The following MRE11 variants were observed in gnomAD, a reference collection of about 807,000 sequenced individuals.
MRE11 encodes double-strand break repair protein MRE11.
Under a neutral mutation model 91.7 loss-of-function variants are expected in MRE11, and 62 were observed. The observed-to-expected ratio is 0.68, with a 90% confidence interval of 0.55 to 0.84. MRE11 has a LOEUF of 0.84. Among genes scored for constraint, MRE11 ranks in the 40% least tolerant of loss-of-function variants. The probability of loss-of-function intolerance (pLI) is 0.00; values close to 1 mark genes in which losing one functional copy is unlikely to be tolerated. For missense variants in MRE11, 796 were observed against 852.9 expected, an observed-to-expected ratio of 0.93 and a Z score of 0.83; for synonymous variants, 273 against 271.4, an observed-to-expected ratio of 1.01 and a Z score of -0.06.
In MRE11 at chr11:94,466,097, A is replaced by G. The variant is rs377277577; in HGVS notation, c.1098+1716T>C. ...GGTATAGAGAAAGGAGGAGAGAAGT[A>G]TGTCCCACGCAACAGGATCAACATG... On this transcript the variant is annotated intron_variant, in intron 10 of 19. Coordinates refer to ENST00000323929, the MANE Select transcript of MRE11 (RefSeq NM_005591.4). 1.4e-3 allele frequency among the ~76,000 whole-genome samples: 219 copies of G among 152,294 alleles called. 3 individuals are homozygous for G. Among genetic ancestry groups the G allele is most frequent in the African/African-American group, 4.8e-3 (201 of 41,564 alleles).
chr11:94,421,007 C>T (rs13447736), intron 19 of MRE11, among the ~76,000 whole-genome samples: 4 of 149,668 alleles, frequency 2.7e-5, no homozygotes, highest in Non-Finnish European at 4.4e-5. Flanking sequence ...ACTCCAGCCT[C>T]GGCGACAGAG....
intron 1 of MRE11, among the ~76,000 whole-genome samples, 168 bp from the exon 2 acceptor site, chr11:94,493,074 G>A (rs1947333671): frequency 6.6e-6 from 1 of 151,906 alleles, no homozygotes; most frequent in Non-Finnish European, 1.5e-5. Context: ...ACTGAGCATA[G>A]AAAATAATAT....
In MRE11 at chr11:94,471,743, T is replaced by C. The variant is rs926262407; in HGVS notation, c.676A>G (p.Thr226Ala). 5 of 1,611,540 alleles carry C rather than the reference T, an allele frequency of 3.1e-6. No homozygotes were observed. Among genetic ancestry groups the C allele is most frequent in the Non-Finnish European group, 4.2e-6 (5 of 1,178,456 alleles). The change falls in exon 8 of 20, where the codon ACT becomes GCT. Residue 226 changes from threonine (T) to alanine (A), a missense_variant. Physicochemically the swap from Thr to Ala is moderately conservative, Grantham distance 58 (BLOSUM62 0). Transcript: ENST00000323929. ...IHQNRSKHGSTNFIPEQFLDD... is the reference protein window; with the variant it reads ...IHQNRSKHGSANFIPEQFLDD... ...AAAAATTGTTCTGGAATGAAGTTAG[T>C]ACTTCCATGTTTACTCCTGTATCAA... is the stretch of plus-strand genomic sequence containing the variant.
At chr11:94,498,574 C>G (rs1217632266), upstream of MRE11, 4 of 1,506,128 alleles carry the variant, frequency 2.7e-6, no homozygotes, top group Non-Finnish European at 3.6e-6. Context: ...ACCAGTGCCT[C>G]CTGTGTGTGA....
At chr11:94,468,956 T>G (rs1946639622) in intron 9 of MRE11, among the ~76,000 whole-genome samples, 1 of 152,170 alleles carries the variant, frequency 6.6e-6, no homozygotes, top group Non-Finnish European at 1.5e-5. Context: ...TGCCAGGTAC[T>G]AGGTCAAGTG....
chr11:94,447,525 T>C lies in MRE11; in HGVS notation c.1564-87A>G, dbSNP rs143701542. The C allele has an allele frequency of 3.8e-6, 5 of 1,310,296 alleles. No individual in the cohort carries two copies. In the East Asian group the frequency reaches 1.2e-4, roughly 31 times the overall value. The allele number at this position is 1,310,296 out of a possible 1,614,324, so 81.2% of individuals were successfully genotyped here. On this transcript the variant is annotated intron_variant, in intron 14 of 19. Transcript: ENST00000323929. Reference sequence around the variant, plus strand: ...TAATTTAGGCATTGACATGAACTAATCATACTATAAAAACATAAAGGAGGC... The same window carrying C: ...TAATTTAGGCATTGACATGAACTAACCATACTATAAAAACATAAAGGAGGC...
chr11:94,470,236 G>C (rs903600450), intron 9 of MRE11, among the ~76,000 whole-genome samples: 1 of 151,848 alleles, frequency 6.6e-6, no homozygotes, highest in African/African-American at 2.4e-5. Context: ...AAGGAAGAAA[G>C]AAACTAGGAG....
the MRE11 span, among the ~76,000 whole-genome samples, chr11:94,508,024 C>A: frequency 6.6e-6 from 1 of 152,098 alleles, no homozygotes; most frequent in Non-Finnish European, 1.5e-5. Context: ...GGCTGGAGTG[C>A]ACTGGTGTGA....
chr11:94,451,216 A>AC (rs1207593960), intron 14 of MRE11, among the ~76,000 whole-genome samples: 2 of 152,042 alleles, frequency 1.3e-5, no homozygotes, highest in African/African-American at 4.8e-5. Context: ...GGGAGGGAAG[A>AC]CCCAAGACTT....
rs1269192299 is a variant in MRE11 at position 94,464,080 on chromosome 11, CA to C, written c.1225+32del. 13 of 1,601,958 alleles carry C rather than the reference CA, an allele frequency of 8.1e-6. No individual in the cohort carries two copies. The East Asian group carries it at 1.1e-4, about 14-fold the overall frequency. ...GATTCCTTCACAAATCCTATAAGAA[CA>C]TTTTTTTACCTCATAAAAATAACTA... On this transcript the variant is annotated intron_variant, in intron 11 of 19. Coordinates refer to ENST00000323929, the MANE Select transcript of MRE11 (RefSeq NM_005591.4).
intron 19 of MRE11, among the ~76,000 whole-genome samples, chr11:94,420,396 C>T (rs1285971450): frequency 6.6e-6 from 1 of 152,124 alleles, no homozygotes; most frequent in Non-Finnish European, 1.5e-5. Context: ...GTGCATGTAT[C>T]TACAATATAA....
At chr11:94,455,098 A>C (rs1484824224) in intron 14 of MRE11, among the ~76,000 whole-genome samples, 3 of 152,152 alleles carry the variant, frequency 2.0e-5, no homozygotes, top group African/African-American at 7.2e-5. Flanking sequence ...GAAGTTTTTC[A>C]TTTTTAGAAA....
intron 6 of MRE11, among the ~76,000 whole-genome samples, chr11:94,476,897 T>A (rs1946875889): frequency 6.6e-6 from 1 of 152,006 alleles, no homozygotes; most frequent in African/African-American, 2.4e-5. Context: ...TTTTTGCACT[T>A]TTAGTAGAGA....
chr11:94,423,556 C>T (rs1945230452), intron 19 of MRE11, among the ~76,000 whole-genome samples: 1 of 152,248 alleles, frequency 6.6e-6, no homozygotes, highest in African/African-American at 2.4e-5. Context: ...GGGCCAGCTT[C>T]CCTGTGGGAC....
intron 9 of MRE11, among the ~76,000 whole-genome samples, chr11:94,469,801 G>A (rs1946660088): frequency 6.6e-6 from 1 of 152,154 alleles, no homozygotes; most frequent in Non-Finnish European, 1.5e-5. Flanking sequence ...TTGTTACTAT[G>A]TTACCTGATT....
the MRE11 span, among the ~76,000 whole-genome samples, chr11:94,501,240 T>C: frequency 1.3e-5 from 2 of 152,194 alleles, no homozygotes; most frequent in Non-Finnish European, 2.9e-5. Context: ...AAAATTTTAC[T>C]TCTCAGAACC....
chr11:94,450,980 G>A (rs577282477), intron 14 of MRE11, among the ~76,000 whole-genome samples: 17 of 152,078 alleles, frequency 1.1e-4, no homozygotes, highest in South Asian at 1.0e-3. Context: ...TAAGAGGGAC[G>A]GGCGTAGAGG....
chr11:94,472,956 TAAAGGG>T (rs1445483017), intron 7 of MRE11: 1 of 151,636 alleles, frequency 6.6e-6, no homozygotes, highest in Admixed American at 6.6e-5. Flanking sequence ...TAAAGAAAAA[TAAAGGG>T]AAAAGTGACA....
At chr11:94,510,670 A>T in the MRE11 span, among the ~76,000 whole-genome samples, 1 of 152,232 alleles carries the variant, frequency 6.6e-6, no homozygotes, top group Non-Finnish European at 1.5e-5. Flanking sequence ...GTGAGTTGCC[A>T]TAATTCACCT....
Sources: gnomAD v4.1 joint callset for allele counts (sites outside exome capture counted in the v4.1 genomes callset) on GRCh38, gnomAD v4.1.1 for gene constraint, MANE v1.5 for transcripts, NCBI Gene and HGNC (gene_info 2026-07-23, HGNC 2026-07-21) for gene names.